Variants in HECW2 observed in about 807,000 individuals in gnomAD.
HECW2 encodes the protein E3 ubiquitin-protein ligase HECW2.
A neutral mutation model predicts 175.2 loss-of-function variants in HECW2; 61 were observed. The ratio of observed to expected loss-of-function variants is 0.35; its 90% CI spans 0.28 to 0.43. HECW2 has a LOEUF of 0.43. HECW2 is among the 20% of genes least tolerant of loss of function. The pLI, the probability that HECW2 is intolerant of heterozygous loss-of-function variation, is 1.00. For synonymous variants in HECW2, 671 were observed against 731.0 expected, an observed-to-expected ratio of 0.92 and a Z score of 1.32; for missense variants, 1,524 against 2,000.5, an observed-to-expected ratio of 0.76 and a Z score of 4.54.
chr2:196,543,698 C>T (rs1338730463), intron 1 of HECW2, among the ~76,000 whole-genome samples: 1 of 152,128 alleles, frequency 6.6e-6, no homozygotes, highest in Non-Finnish European at 1.5e-5. Context: ...CTGCAACTTC[C>T]GCCTGCTGGG....
chr2:196,304,703 C>T (rs1260060508), intron 13 of HECW2, among the ~76,000 whole-genome samples: 1 of 152,170 alleles, frequency 6.6e-6, no homozygotes, highest in Non-Finnish European at 1.5e-5. Context: ...TAAATGTTAG[C>T]CCATTCTGCC....
chr2:196,308,057 G>C lies in HECW2; in HGVS notation c.2463C>G (p.Gly821=). 1.3e-6 allele frequency: 2 copies of C among 1,590,654 alleles called. No homozygotes were observed. Among genetic ancestry groups the C allele is most frequent in the Non-Finnish European group, 1.7e-6 (2 of 1,163,522 alleles). The part of the protein sequence containing the change: ...PNWEARIDSH[G]RIFYVDHVNR... ...TTACGTGATCCACGTAGAAGATCCT[G>C]CCGTGGCTGTCAATGCGTGCCTCCC... Residue 821 remains glycine, a synonymous_variant, in exon 11 of 29, where the codon GGC becomes GGG. Coordinates refer to ENST00000644978, the MANE Select transcript of HECW2 (RefSeq NM_001348768.2).
At chr2:196,376,981 G>A (rs1694069227) in intron 2 of HECW2, among the ~76,000 whole-genome samples, 2 of 151,884 alleles carry the variant, frequency 1.3e-5, no homozygotes, top group South Asian at 2.1e-4. Context: ...AATTAAGATC[G>A]TTTTTCATTC....
chr2:196,313,987 G>T (rs1455822), intron 10 of HECW2, among the ~76,000 whole-genome samples: 143,200 of 152,314 alleles, frequency 0.94, 67,421 homozygotes, highest in East Asian at 0.98. Flanking sequence ...CTTGAGCCCA[G>T]GAGTTTGAGG....
intron 21 of HECW2, among the ~76,000 whole-genome samples, chr2:196,232,017 T>C (rs1688077677): frequency 6.6e-6 from 1 of 151,910 alleles, no homozygotes; most frequent in Non-Finnish European, 1.5e-5. Flanking sequence ...TAGCTTACAA[T>C]ATCCTAGGGT....
Position 196,198,175 on chromosome 2 carries a change from T to G in HECW2, c.*3102A>C, listed in dbSNP as rs1686747967. ...GGGAAACTTTCCCTGTTTTGGCATTTCACTGATAATTTCAAAATCTTTGAG... is the reference window on the plus strand; with the variant it reads ...GGGAAACTTTCCCTGTTTTGGCATTGCACTGATAATTTCAAAATCTTTGAG... On this transcript the variant is annotated 3_prime_UTR_variant, in exon 29 of 29. Coordinates refer to ENST00000644978, the MANE Select transcript of HECW2 (RefSeq NM_001348768.2). 1.3e-5 allele frequency: 2 copies of G among 152,156 alleles called. No homozygotes were observed. The highest frequency in any genetic ancestry group is 2.9e-5 in the Non-Finnish European group (2 of 68,020). 9.4% of individuals were successfully genotyped at this position (152,156 alleles called of 1,614,324 possible).
At position 196,254,969 on chromosome 2, in the gene HECW2, T is replaced by A. The variant is rs974030480; in HGVS notation, c.3420-940A>T. Among the ~76,000 whole-genome samples, 6 of 97,460 alleles carry A rather than the reference T, an allele frequency of 6.2e-5. No individual in the cohort carries two copies. In the Admixed American group the frequency reaches 8.6e-4, roughly 14 times the overall value. The allele number at this position is 97,460 out of a possible 152,430, so 63.9% of individuals were successfully genotyped here. On this transcript the variant is annotated intron_variant, in intron 18 of 28. Transcript: ENST00000644978. ...CTTCTTTATGTATCCACAATCTGGT[T>A]TCCTTTTTTTTTTTTTTTTTCTGAG...
intron 19 of HECW2, among the ~76,000 whole-genome samples, chr2:196,247,271 A>G (rs1688682598): frequency 6.6e-6 from 1 of 152,178 alleles, no homozygotes; most frequent in Non-Finnish European, 1.5e-5. Context: ...ATAAATAAAT[A>G]AAATTACAGT....
chr2:196,541,988 G>C (rs569109053), intron 1 of HECW2, among the ~76,000 whole-genome samples: 3 of 152,230 alleles, frequency 2.0e-5, no homozygotes, highest in South Asian at 2.1e-4. Flanking sequence ...AAGGTGCCAG[G>C]CACGGTGGCT....
intron 10 of HECW2, 112 bp from the exon 11 acceptor site, chr2:196,308,197 T>TC: frequency 1.4e-6 from 1 of 722,784 alleles, no homozygotes; most frequent in Non-Finnish European, 2.1e-6. Context: ...AATCTGAGAC[T>TC]AATAACATAC....
chr2:196,349,178 C>T (rs544328249), intron 2 of HECW2, among the ~76,000 whole-genome samples: 1 of 152,304 alleles, frequency 6.6e-6, no homozygotes, highest in East Asian at 1.9e-4. Flanking sequence ...GAGGCATATT[C>T]TCCTGCTTTT....
At chr2:196,348,679 G>A (rs1431200685) in intron 2 of HECW2, among the ~76,000 whole-genome samples, 3 of 152,104 alleles carry the variant, frequency 2.0e-5, no homozygotes, top group Non-Finnish European at 4.4e-5. Context: ...ATATAAAAAG[G>A]TATATCAAAG....
At chr2:196,220,247 G>A (rs1359227351) in intron 25 of HECW2, 94 bp from the exon 26 acceptor site, 2 of 797,722 alleles carry the variant, frequency 2.5e-6, no homozygotes, top group Non-Finnish European at 4.3e-6. Flanking sequence ...TGGAGTTTCA[G>A]GAATAATATG....
intron 15 of HECW2, among the ~76,000 whole-genome samples, chr2:196,276,172 C>G (rs766803879): frequency 2.0e-5 from 3 of 152,190 alleles, no homozygotes; most frequent in African/African-American, 4.8e-5. Context: ...GACCAGCGGA[C>G]AGTGGGCAAT....
chr2:196,323,826 G>A (rs1441482370), intron 6 of HECW2, among the ~76,000 whole-genome samples: 1 of 151,050 alleles, frequency 6.6e-6, no homozygotes, highest in African/African-American at 2.4e-5. Context: ...GTGCTTTCTA[G>A]AATCATATTG....
At chr2:196,242,594 G>T (rs2105885395) in intron 19 of HECW2, 1 of 190,116 alleles carries the variant, frequency 5.3e-6, no homozygotes, top group South Asian at 9.3e-5. Flanking sequence ...AGTTGCAATG[G>T]AAAGTACATG....
At chr2:196,582,150 C>A (rs552942365) in intron 1 of HECW2, among the ~76,000 whole-genome samples, 1 of 152,088 alleles carries the variant, frequency 6.6e-6, no homozygotes, top group East Asian at 1.9e-4. Context: ...AGTAGCAAAT[C>A]ATTAGGAAGA....
At chr2:196,399,054 A>AT (rs1694747054) in intron 2 of HECW2, among the ~76,000 whole-genome samples, 1 of 152,188 alleles carries the variant, frequency 6.6e-6, no homozygotes, top group Admixed American at 6.5e-5. Flanking sequence ...TTATTATATG[A>AT]TTTTATTTCA....
intron 21 of HECW2, among the ~76,000 whole-genome samples, 189 bp from the exon 22 acceptor site, chr2:196,228,443 A>G (rs903084178): frequency 6.6e-6 from 1 of 152,224 alleles, no homozygotes; most frequent in Non-Finnish European, 1.5e-5. Flanking sequence ...GATTAGTAAA[A>G]TGGACATTTA....
Sources: gnomAD v4.1 joint callset for allele counts (sites outside exome capture counted in the v4.1 genomes callset) on GRCh38, gnomAD v4.1.1 for gene constraint, MANE v1.5 for transcripts, NCBI Gene and HGNC (gene_info 2026-07-23, HGNC 2026-07-21) for gene names.